Variants in PTPRD observed in about 807,000 individuals in gnomAD.
PTPRD encodes protein tyrosine phosphatase receptor type D.
A neutral mutation model predicts 214.5 loss-of-function variants in PTPRD; 34 were observed. That is an observed-to-expected ratio of 0.16 (90% CI 0.12 to 0.21). The LOEUF is 0.21. Ranked by LOEUF, PTPRD falls within the 10% of genes least tolerant of loss-of-function variation. The pLI, the probability that PTPRD is intolerant of heterozygous loss-of-function variation, is 1.00. For missense variants in PTPRD, 2,545 were observed against 2,398.7 expected, an observed-to-expected ratio of 1.06 and a Z score of -1.27; for synonymous variants, 1,128 against 845.7, an observed-to-expected ratio of 1.33 and a Z score of -5.79.
intron 4 of PTPRD, among the ~76,000 whole-genome samples, chr9:9,982,676 G>A (rs1304777015): frequency 2.6e-5 from 4 of 151,838 alleles, no homozygotes; most frequent in Non-Finnish European, 5.9e-5. Flanking sequence ...TCAGATCAAG[G>A]CTTTCCTATG....
intron 3 of PTPRD, among the ~76,000 whole-genome samples, chr9:10,234,376 C>A (rs1484138280): frequency 1.3e-5 from 2 of 151,806 alleles, no homozygotes; most frequent in Admixed American, 1.3e-4. Flanking sequence ...GGCCCTAAAA[C>A]ACCCAAAAGT....
At chr9:10,319,612 C>T (rs998128779) in intron 3 of PTPRD, among the ~76,000 whole-genome samples, 1 of 151,856 alleles carries the variant, frequency 6.6e-6, no homozygotes, top group Non-Finnish European at 1.5e-5. Context: ...TCATTTTCAC[C>T]ACATTTTTTT....
At chr9:10,063,369 G>T (rs1372030629) in intron 3 of PTPRD, among the ~76,000 whole-genome samples, 2 of 151,746 alleles carry the variant, frequency 1.3e-5, no homozygotes, top group African/African-American at 4.8e-5. Context: ...TATCAAATTG[G>T]GTTCAATTAT....
intron 35 of PTPRD, among the ~76,000 whole-genome samples, chr9:8,433,172 A>G (rs1383876797): frequency 1.3e-5 from 2 of 152,168 alleles, no homozygotes; most frequent in Admixed American, 1.3e-4. Context: ...GATCTGAAGA[A>G]ATTCCCATCA....
rs944977034 is a variant in PTPRD at position 8,317,216 on chromosome 9, C to T, written c.*658G>A. 2.6e-5 allele frequency: 6 copies of T among 231,308 alleles called. No homozygotes were observed. Among genetic ancestry groups the T allele is most frequent in the African/African-American group, 1.1e-4 (5 of 45,204 alleles). The allele number at this position is 231,308 out of a possible 1,614,324, so 14.3% of individuals were successfully genotyped here. A position where few individuals can be genotyped will look rare whatever the true frequency, so the allele number is the denominator to read the frequency against. ...CAGCAAGATATTACAGATAACAGTT[C>T]TACAGCTTAAAAAAACCTACGATTT... is the stretch of plus-strand genomic sequence containing the variant. On this transcript the variant is annotated 3_prime_UTR_variant, in exon 46 of 46. Coordinates refer to ENST00000381196, the MANE Select transcript of PTPRD (RefSeq NM_002839.4).
At chr9:9,531,553 T>C (rs1049740079) in intron 8 of PTPRD, among the ~76,000 whole-genome samples, 4 of 152,194 alleles carry the variant, frequency 2.6e-5, no homozygotes, top group African/African-American at 9.6e-5. Flanking sequence ...AGAATTATTG[T>C]AATGATTACA....
intron 12 of PTPRD, among the ~76,000 whole-genome samples, chr9:8,712,043 T>A (rs2098345322): frequency 6.6e-6 from 1 of 152,212 alleles, no homozygotes. Flanking sequence ...TATGCATCTG[T>A]CAAGACTCAT....
intron 11 of PTPRD, among the ~76,000 whole-genome samples, chr9:8,955,958 C>T (rs2099129408): frequency 6.6e-6 from 1 of 151,704 alleles, no homozygotes; most frequent in South Asian, 2.1e-4. Context: ...ATATTTATAC[C>T]CATTTGCTGA....
intron 3 of PTPRD, among the ~76,000 whole-genome samples, chr9:10,202,837 G>A (rs1484836833): frequency 3.3e-5 from 5 of 151,680 alleles, no homozygotes; most frequent in African/African-American, 9.7e-5. Context: ...CTCTGCCAAT[G>A]TGAGGATACA....
chr9:9,654,829 T>A (rs931572505), intron 7 of PTPRD, among the ~76,000 whole-genome samples: 2 of 152,176 alleles, frequency 1.3e-5, no homozygotes, highest in Admixed American at 1.3e-4. Context: ...TCTCTTTAAC[T>A]GATACTGAAG....
At chr9:9,131,812 G>A (rs961385670) in intron 10 of PTPRD, among the ~76,000 whole-genome samples, 14 of 152,168 alleles carry the variant, frequency 9.2e-5, no homozygotes, top group African/African-American at 2.7e-4. Context: ...ATGAATGTAC[G>A]TAGTGGTTCA....
At chr9:8,747,657 C>T (rs1043613576) in intron 11 of PTPRD, among the ~76,000 whole-genome samples, 3 of 152,146 alleles carry the variant, frequency 2.0e-5, no homozygotes, top group African/African-American at 4.8e-5. Context: ...AAGGACCTCA[C>T]GAGGACGTAG....
At chr9:8,780,699 G>A (rs1428059669) in intron 11 of PTPRD, among the ~76,000 whole-genome samples, 1 of 152,150 alleles carries the variant, frequency 6.6e-6, no homozygotes, top group Non-Finnish European at 1.5e-5. Flanking sequence ...ATGTGAACAT[G>A]AATTATCATG....
intron 3 of PTPRD, among the ~76,000 whole-genome samples, chr9:10,298,756 T>A (rs2095768309): frequency 6.6e-6 from 1 of 152,034 alleles, no homozygotes; most frequent in Non-Finnish European, 1.5e-5. Flanking sequence ...CTAACAAATA[T>A]AATAATAATT....
chr9:10,010,770 C>T (rs2154105415), intron 4 of PTPRD, among the ~76,000 whole-genome samples: 1 of 151,972 alleles, frequency 6.6e-6, no homozygotes, highest in South Asian at 2.1e-4. Flanking sequence ...AATGAGGAGA[C>T]CAAAAGAATG....
intron 3 of PTPRD, among the ~76,000 whole-genome samples, chr9:10,163,908 T>A (rs922067915): frequency 9.2e-5 from 14 of 151,522 alleles, no homozygotes; most frequent in African/African-American, 2.9e-4. Context: ...AATAGTCCTT[T>A]TTATTTCATA....
At chr9:10,578,418 G>A (rs568117687) in intron 2 of PTPRD, among the ~76,000 whole-genome samples, 6 of 151,918 alleles carry the variant, frequency 3.9e-5, no homozygotes, top group South Asian at 2.1e-4. Context: ...TATTTTAGGG[G>A]TTCTTACAAA....
At chr9:9,110,701 A>AGTT (rs1368519044) in intron 10 of PTPRD, among the ~76,000 whole-genome samples, 4 of 152,176 alleles carry the variant, frequency 2.6e-5, no homozygotes, top group Non-Finnish European at 5.9e-5. Context: ...CCCTGCCCAC[A>AGTT]GACCACCATC....
At chr9:8,619,350 A>C (rs2095734395) in intron 14 of PTPRD, among the ~76,000 whole-genome samples, 2 of 147,638 alleles carry the variant, frequency 1.4e-5, no homozygotes, top group Admixed American at 6.9e-5. Flanking sequence ...CCCAACCCCC[A>C]CCCCTCAACC....
Sources: gnomAD v4.1 joint callset for allele counts (sites outside exome capture counted in the v4.1 genomes callset) on GRCh38, gnomAD v4.1.1 for gene constraint, MANE v1.5 for transcripts, NCBI Gene and HGNC (gene_info 2026-07-23, HGNC 2026-07-21) for gene names.